The following IQUB variants were observed in gnomAD, a reference collection of about 807,000 sequenced individuals.
IQUB encodes IQ motif and ubiquitin-like domain-containing protein.
Under a neutral mutation model 86.4 loss-of-function variants are expected in IQUB, and 86 were observed. The ratio of observed to expected loss-of-function variants is 1.00; its 90% CI spans 0.84 to 1.19. The LOEUF is 1.19. Among genes scored for constraint, IQUB ranks in the 50% most tolerant of loss-of-function variants. The pLI is 0.00. For synonymous variants in IQUB, 289 were observed against 304.5 expected (o/e 0.95, Z 0.53); for missense variants, 946 against 916.9 (o/e 1.03, Z -0.41).
At chr7:123,498,535 T>C (rs892570326) in intron 6 of IQUB, among the ~76,000 whole-genome samples, 8 of 152,200 alleles carry the variant, frequency 5.3e-5, no homozygotes, top group African/African-American at 1.9e-4. Context: ...CTATTAAACT[T>C]GTTCAACTTA....
intron 3 of IQUB, 122 bp from the exon 4 acceptor site, chr7:123,503,485 C>T (rs996965120): frequency 1.7e-6 from 1 of 593,830 alleles, no homozygotes; most frequent in Non-Finnish European, 2.9e-6. Flanking sequence ...ATGCTTTGAA[C>T]TATGTATACA....
intron 6 of IQUB, among the ~76,000 whole-genome samples, chr7:123,498,976 A>G (rs2117182521): frequency 6.6e-6 from 1 of 152,338 alleles, no homozygotes; most frequent in Middle Eastern, 3.4e-3. Context: ...TGTAGAACAT[A>G]AGAAGTAATA....
At chr7:123,527,134 C>T (rs1373526945) in intron 1 of IQUB, among the ~76,000 whole-genome samples, 1 of 152,166 alleles carries the variant, frequency 6.6e-6, no homozygotes, top group Admixed American at 6.5e-5. Flanking sequence ...GCATTCTTCA[C>T]GTAGTTCTCG....
intron 7 of IQUB, among the ~76,000 whole-genome samples, chr7:123,489,109 C>A (rs1192822655): frequency 1.3e-5 from 2 of 152,114 alleles, no homozygotes; most frequent in African/African-American, 4.8e-5. Flanking sequence ...CTAGTGGTTA[C>A]CTTGCAGGAG....
At chr7:123,516,358 T>C (rs1403057523) in intron 1 of IQUB, among the ~76,000 whole-genome samples, 30 of 152,128 alleles carry the variant, frequency 2.0e-4, no homozygotes. Flanking sequence ...AAAACAATCA[T>C]TTGTCATATC....
chr7:123,465,185 A>AT (rs1794190283), intron 9 of IQUB, among the ~76,000 whole-genome samples, 176 bp from the exon 10 acceptor site: 1 of 151,956 alleles, frequency 6.6e-6, no homozygotes, highest in South Asian at 2.1e-4. Flanking sequence ...GTTTTGTTGT[A>AT]TATATAGTAT....
At chr7:123,513,296 AC>A (rs1417127574) in intron 1 of IQUB, among the ~76,000 whole-genome samples, 1 of 152,224 alleles carries the variant, frequency 6.6e-6, no homozygotes, top group Non-Finnish European at 1.5e-5. Context: ...AATAAGCTAT[AC>A]AAGATTAGAG....
intron 7 of IQUB, among the ~76,000 whole-genome samples, chr7:123,481,405 C>G (rs1297872318): frequency 1.3e-5 from 2 of 152,004 alleles, no homozygotes; most frequent in Non-Finnish European, 2.9e-5. Flanking sequence ...AGCTTCTATA[C>G]AAACTGCTAC....
At chr7:123,507,349 G>A (rs984730512) in intron 3 of IQUB, among the ~76,000 whole-genome samples, 4 of 152,180 alleles carry the variant, frequency 2.6e-5, no homozygotes, top group Non-Finnish European at 4.4e-5. Context: ...CCCAACTGTA[G>A]GCTAATGTAA....
chr7:123,483,641 C>T (rs1795099468), intron 7 of IQUB, among the ~76,000 whole-genome samples: 1 of 152,072 alleles, frequency 6.6e-6, no homozygotes, highest in Non-Finnish European at 1.5e-5. Flanking sequence ...TTCCCTGCCT[C>T]TCCTTGGCTG....
intron 10 of IQUB, 71 bp from the exon 11 acceptor site, chr7:123,461,676 T>C (rs907324510): frequency 1.5e-6 from 2 of 1,313,402 alleles, no homozygotes; most frequent in African/African-American, 1.5e-5. Context: ...TCCTAACCAA[T>C]GGAAGCATCA....
At chr7:123,475,140 C>T (rs906693699) in intron 8 of IQUB, among the ~76,000 whole-genome samples, 2 of 152,198 alleles carry the variant, frequency 1.3e-5, no homozygotes, top group Non-Finnish European at 2.9e-5. Flanking sequence ...TGTACACCCA[C>T]TGCCTTCCAA....
At position 123,511,994 on chromosome 7, in the gene IQUB, T is replaced by G; in HGVS notation, c.347A>C (p.Lys116Thr). ...DDSLAFLDKIKSVKESLQESV... is the reference protein window; with the variant it reads ...DDSLAFLDKITSVKESLQESV... ...TTCTTGCAAAGATTCCTTTACAGAC[T>G]TTATTTTATCCAGAAATGCCAAACT... Residue 116 changes from lysine (K) to threonine (T), a missense_variant, in exon 2 of 13, where the codon AAG (lysine) becomes ACG (threonine). Physicochemically the swap from Lys to Thr is moderately conservative, Grantham distance 78. Transcript: ENST00000324698. 2 of 1,612,480 alleles carry G rather than the reference T, an allele frequency of 1.2e-6. No homozygotes were observed. The highest frequency in any genetic ancestry group is 1.7e-6 in the Non-Finnish European group (2 of 1,178,658).
chr7:123,475,579 T>C (rs1794712976), intron 8 of IQUB, among the ~76,000 whole-genome samples: 1 of 152,080 alleles, frequency 6.6e-6, no homozygotes, highest in South Asian at 2.1e-4. Context: ...GGGTAGGGAA[T>C]GTTCTGGGCA....
At chr7:123,519,748 T>C (rs1796820558) in intron 1 of IQUB, among the ~76,000 whole-genome samples, 1 of 152,198 alleles carries the variant, frequency 6.6e-6, no homozygotes, top group Non-Finnish European at 1.5e-5. Flanking sequence ...GTACGGTGAC[T>C]ATAGTTAACA....
At chr7:123,526,149 G>A (rs1797196307) in intron 1 of IQUB, among the ~76,000 whole-genome samples, 1 of 137,814 alleles carries the variant, frequency 7.3e-6, no homozygotes, top group Non-Finnish European at 1.6e-5. Context: ...GAATAGGTGT[G>A]GTGTGGTGCT....
intron 1 of IQUB, among the ~76,000 whole-genome samples, chr7:123,520,062 G>A (rs1395911848): frequency 1.4e-5 from 2 of 139,360 alleles, no homozygotes; most frequent in East Asian, 2.1e-4. Context: ...TCTACACACA[G>A]CCATGGACAA....
chr7:123,512,225 G>C lies in IQUB; in HGVS notation c.116C>G (p.Ser39Ter), dbSNP rs765734227. Reference sequence around the variant, plus strand: ...AGATTCATGCTCTTCAGTTTGATCTGACTCTTGAGGCTCTTCTGAGGGAAC... The same window carrying C: ...AGATTCATGCTCTTCAGTTTGATCTCACTCTTGAGGCTCTTCTGAGGGAAC... ...IPVPSEEPQE[S>*]DQTEEHESGI... Residue 39 changes from serine (S) to a stop codon, truncating the protein, a stop_gained, in exon 2 of 13, where the codon TCA becomes TGA. Transcript: ENST00000324698. LOFTEE classifies it high-confidence loss of function. The C allele has an allele frequency of 6.2e-7, 1 of 1,613,500 alleles. No homozygotes were observed.
chr7:123,509,262 A>G (rs1186607366), intron 3 of IQUB, among the ~76,000 whole-genome samples: 2 of 152,190 alleles, frequency 1.3e-5, no homozygotes, highest in Non-Finnish European at 2.9e-5. Context: ...CACAAGATTA[A>G]TATAACTTCA....
Sources: gnomAD v4.1 joint callset for allele counts (sites outside exome capture counted in the v4.1 genomes callset) on GRCh38, gnomAD v4.1.1 for gene constraint, MANE v1.5 for transcripts, NCBI Gene and HGNC (gene_info 2026-07-23, HGNC 2026-07-21) for gene names.